The following FAM186B variants were observed in gnomAD, a reference collection of about 807,000 sequenced individuals.
FAM186B encodes the protein protein FAM186B.
A neutral mutation model predicts 83.4 loss-of-function variants in FAM186B; 68 were observed. The observed-to-expected ratio is 0.81, with a 90% CI of 0.67 to 1.00. FAM186B has a LOEUF of 1.00. Ranked by LOEUF, FAM186B falls within the 50% of genes least tolerant of loss-of-function variation. The probability of loss-of-function intolerance (pLI) is 0.00; values close to 1 mark genes in which losing one functional copy is unlikely to be tolerated. For synonymous variants in FAM186B, 389 were observed against 422.0 expected, an observed-to-expected ratio of 0.92 and a Z score of 0.96; for missense variants, 983 against 1,099.2, an observed-to-expected ratio of 0.89 and a Z score of 1.49.
the FAM186B span, among the ~76,000 whole-genome samples, chr12:49,612,847 A>G: frequency 6.6e-6 from 1 of 152,168 alleles, no homozygotes; most frequent in East Asian, 1.9e-4. Context: ...ACTAACAAAG[A>G]AATTCAGGAC....
chr12:49,607,311 G>A (rs1940042695), upstream of FAM186B, among the ~76,000 whole-genome samples: 1 of 152,050 alleles, frequency 6.6e-6, no homozygotes, highest in Non-Finnish European at 1.5e-5. Flanking sequence ...TTACCAGGAA[G>A]AAAAGAGAGA....
At chr12:49,605,230 T>G (rs555012561) in intron 1 of FAM186B, 152 bp downstream of exon 1, 12 of 1,475,360 alleles carry the variant, frequency 8.1e-6, no homozygotes, top group South Asian at 2.7e-5. Context: ...AGGAGAGAGA[T>G]AATTTATACT....
chr12:49,622,721 G>A, the FAM186B span: 5 of 152,266 alleles, frequency 3.3e-5, no homozygotes, highest in African/African-American at 1.2e-4. Flanking sequence ...GGCATCACGC[G>A]AGTCCCGGCT....
At chr12:49,592,581 C>T (rs1318375733) in intron 5 of FAM186B, among the ~76,000 whole-genome samples, 3 of 152,086 alleles carry the variant, frequency 2.0e-5, no homozygotes, top group South Asian at 2.1e-4. Flanking sequence ...GCCAGGAGTT[C>T]GAGACCAGCC....
chr12:49,596,316 C>A (rs1939723376), intron 5 of FAM186B, among the ~76,000 whole-genome samples: 1 of 143,200 alleles, frequency 7.0e-6, no homozygotes, highest in African/African-American at 2.7e-5. Flanking sequence ...TAGTGAGACC[C>A]CCGTCTCAAA....
intron 1 of FAM186B, chr12:49,604,751 A>C (rs1328224021): frequency 1.4e-5 from 7 of 489,818 alleles, no homozygotes; most frequent in East Asian, 3.2e-5. Flanking sequence ...TACCTGGCAC[A>C]TTACACAAAA....
At chr12:49,583,914 A>C (rs1299492637), downstream of FAM186B, 1 of 154,630 alleles carries the variant, frequency 6.5e-6, no homozygotes, top group African/African-American at 2.4e-5. Flanking sequence ...GTCTTAACTG[A>C]ACTGACAGAC....
At chr12:49,584,566 G>A (rs1055687655), downstream of FAM186B, 16 of 702,248 alleles carry the variant, frequency 2.3e-5, no homozygotes, top group African/African-American at 2.6e-4. Context: ...CAAGCTAAGC[G>A]GATTCATTTG....
chr12:49,600,145 TCTC>T lies in FAM186B; in HGVS notation c.1492_1494del (p.Glu498del), dbSNP rs765000122. The T allele has an allele frequency of 1.2e-5, 20 of 1,613,432 alleles. No individual in the cohort carries two copies. The highest frequency in any genetic ancestry group is 4.4e-5 in the South Asian group (4 of 91,038). On this transcript the variant is annotated inframe_deletion, in exon 4 of 7. Coordinates refer to ENST00000257894, the MANE Select transcript of FAM186B (RefSeq NM_032130.3). This position sits in a 1 kb window ranked among gnomAD's most constrained non-coding sequence, Gnocchi z 4.3. ...CACTTCTTCTGCCGCTGCTGCCACA[TCTC>T]CTCCTCCTCCAGCCACAGCTGCCTC... is the stretch of plus-strand genomic sequence containing the variant.
Position 49,587,547 on chromosome 12 carries a change from C to G in FAM186B, c.*58G>C. On this transcript the variant is annotated 3_prime_UTR_variant, in exon 7 of 7. Coordinates refer to ENST00000257894, the MANE Select transcript of FAM186B (RefSeq NM_032130.3). ...ATTTATTGGGGAGAATCCACATTGA[C>G]CATCAGCCTCGCACCTTACTGGGCC... The G allele has an allele frequency of 6.2e-7, 1 of 1,603,624 alleles. No individual in the cohort carries two copies. Among genetic ancestry groups the G allele is most frequent in the Non-Finnish European group, 8.5e-7 (1 of 1,170,518 alleles).
chr12:49,586,468 C>T (rs994000918), downstream of FAM186B, among the ~76,000 whole-genome samples: 5 of 152,104 alleles, frequency 3.3e-5, no homozygotes, highest in Admixed American at 2.0e-4. Context: ...CACATATCTC[C>T]GTGTGTGGAA....
chr12:49,606,708 T>C (rs1268011421), upstream of FAM186B, among the ~76,000 whole-genome samples: 4 of 152,190 alleles, frequency 2.6e-5, no homozygotes, highest in Non-Finnish European at 5.9e-5. Flanking sequence ...GCACTTCTCT[T>C]GCAGGAGTTG....
At chr12:49,595,611 T>C (rs1449012638) in intron 5 of FAM186B, 1 of 413,872 alleles carries the variant, frequency 2.4e-6, no homozygotes, top group Admixed American at 2.7e-5. Flanking sequence ...CAGCTTTGAG[T>C]TTGTGATTAC....
chr12:49,604,190 A>C, intron 2 of FAM186B, 123 bp downstream of exon 2: 1 of 719,244 alleles, frequency 1.4e-6, no homozygotes, highest in Non-Finnish European at 2.4e-6. Flanking sequence ...CATGGAGGTG[A>C]TGTGCTGTGA....
At chr12:49,591,108 A>G (rs1763380434) in intron 5 of FAM186B, among the ~76,000 whole-genome samples, 1 of 152,172 alleles carries the variant, frequency 6.6e-6, no homozygotes, top group Admixed American at 6.5e-5. Context: ...CAAATGAGAC[A>G]ATGTCCAGGC....
downstream of FAM186B, chr12:49,584,601 G>C (rs1173638726): frequency 4.3e-6 from 3 of 702,220 alleles, no homozygotes; most frequent in African/African-American, 5.2e-5. Flanking sequence ...TCCTTCCTTT[G>C]GTTCGCTGAG....
intron 6 of FAM186B, 108 bp from the exon 7 acceptor site, chr12:49,587,860 C>A: frequency 8.0e-7 from 1 of 1,249,842 alleles, no homozygotes; most frequent in East Asian, 2.4e-5. Flanking sequence ...CTTCCCTTCT[C>A]AAATCGAGTG....
chr12:49,606,812 A>AGAATATTGTT (rs1191357439), upstream of FAM186B, among the ~76,000 whole-genome samples: 3 of 152,172 alleles, frequency 2.0e-5, no homozygotes, highest in African/African-American at 7.2e-5. Context: ...TTCACCCAAC[A>AGAATATTGTT]ACAGGACACA....
chr12:49,609,942 G>A (rs1232017578), upstream of FAM186B, among the ~76,000 whole-genome samples: 1 of 152,162 alleles, frequency 6.6e-6, no homozygotes, highest in African/African-American at 2.4e-5. Context: ...AGTAAACAAG[G>A]ATCAAGAATA....
Sources: gnomAD v4.1 joint callset for allele counts (sites outside exome capture counted in the v4.1 genomes callset) on GRCh38, gnomAD v4.1.1 for gene constraint, Gnocchi (gnomAD v3.1) non-coding constraint, MANE v1.5 for transcripts, NCBI Gene and HGNC (gene_info 2026-07-23, HGNC 2026-07-21) for gene names.